SRBD1: variants seen among roughly 807,000 people sequenced by gnomAD.
SRBD1 encodes the protein S1 RNA-binding domain-containing protein 1.
A neutral mutation model predicts 115.3 loss-of-function variants in SRBD1; 88 were observed. That is an observed-to-expected ratio of 0.76 (90% CI 0.64 to 0.91). The LOEUF is 0.91. Among genes scored for constraint, SRBD1 ranks in the 40% least tolerant of loss-of-function variants. SRBD1 has a pLI of 0.00. For missense variants in SRBD1, 1,385 were observed against 1,177.4 expected (o/e 1.18, Z -2.58); for synonymous variants, 509 against 407.7 (o/e 1.25, Z -2.99).
At chr2:45,449,203 G>C (rs920452172) in intron 16 of SRBD1, among the ~76,000 whole-genome samples, 3 of 152,020 alleles carry the variant, frequency 2.0e-5, no homozygotes, top group African/African-American at 7.2e-5. Flanking sequence ...ACTTGCTTAA[G>C]ACATAATGCT....
At chr2:45,473,396 G>A (rs1376501414) in intron 16 of SRBD1, among the ~76,000 whole-genome samples, 2 of 151,970 alleles carry the variant, frequency 1.3e-5, no homozygotes, top group African/African-American at 2.4e-5. Context: ...AAAACTATCA[G>A]GCTCAACTAT....
intron 16 of SRBD1, among the ~76,000 whole-genome samples, chr2:45,456,533 A>G (rs1669158969): frequency 6.6e-6 from 1 of 151,938 alleles, no homozygotes; most frequent in Admixed American, 6.6e-5. Flanking sequence ...AATGTTAAAA[A>G]ATATATTGTT....
At chr2:45,504,311 C>A (rs1361325159) in intron 14 of SRBD1, among the ~76,000 whole-genome samples, 1 of 152,150 alleles carries the variant, frequency 6.6e-6, no homozygotes, top group African/African-American at 2.4e-5. Context: ...ATCTGACCCA[C>A]AAACTTTCAA....
chr2:45,492,520 G>A (rs1670329686), intron 14 of SRBD1, among the ~76,000 whole-genome samples: 1 of 151,998 alleles, frequency 6.6e-6, no homozygotes, highest in African/African-American at 2.4e-5. Flanking sequence ...CTCACTGCAA[G>A]CTCCACCTCC....
intron 19 of SRBD1, among the ~76,000 whole-genome samples, chr2:45,409,148 G>A (rs1667522057): frequency 6.6e-6 from 1 of 152,104 alleles, no homozygotes; most frequent in African/African-American, 2.4e-5. Flanking sequence ...CTTGAGCTCA[G>A]GAGGTTGAGG....
At chr2:45,530,276 G>C (rs1296516939) in intron 14 of SRBD1, among the ~76,000 whole-genome samples, 1 of 151,984 alleles carries the variant, frequency 6.6e-6, no homozygotes, top group Non-Finnish European at 1.5e-5. Flanking sequence ...TACGATCCTT[G>C]ACTAGGTGGA....
chr2:45,440,748 AAC>A (rs911364458), intron 16 of SRBD1, among the ~76,000 whole-genome samples: 3 of 152,204 alleles, frequency 2.0e-5, no homozygotes, highest in Non-Finnish European at 4.4e-5. Flanking sequence ...AATAAATTAA[AAC>A]AGTGTGTAGA....
intron 16 of SRBD1, among the ~76,000 whole-genome samples, chr2:45,464,697 C>G (rs535905534): frequency 9.9e-5 from 15 of 152,148 alleles, no homozygotes; most frequent in Non-Finnish European, 1.8e-4. Flanking sequence ...GCTTGAAATT[C>G]ACACAGGTAT....
intron 15 of SRBD1, among the ~76,000 whole-genome samples, chr2:45,483,025 G>A (rs1332655663): frequency 1.3e-5 from 2 of 151,994 alleles, no homozygotes; most frequent in African/African-American, 4.8e-5. Context: ...CACGTGCACA[G>A]GGTCAACTGT....
intron 19 of SRBD1, among the ~76,000 whole-genome samples, chr2:45,393,513 T>A (rs911918208): frequency 6.6e-6 from 1 of 152,122 alleles, no homozygotes; most frequent in Admixed American, 6.6e-5. Flanking sequence ...CCCGAGTAGC[T>A]GGGACTACAG....
At chr2:45,453,308 G>C (rs1019703651) in intron 16 of SRBD1, among the ~76,000 whole-genome samples, 3 of 149,768 alleles carry the variant, frequency 2.0e-5, no homozygotes, top group Non-Finnish European at 4.5e-5. Flanking sequence ...AAAAAGGAAA[G>C]AAAGACTCCA....
rs189405782 is a variant in SRBD1, at chr2:45,477,864, T to A, written c.1967-789A>T. 2.1e-3 allele frequency among the ~76,000 whole-genome samples: 314 copies of A among 152,256 alleles called. 2 individuals are homozygous for A. The highest frequency in any genetic ancestry group is 2.4e-3 in the Non-Finnish European group (162 of 68,018). On this transcript the variant is annotated intron_variant, in intron 15 of 20. Transcript: ENST00000263736. ...TTAACACACCATAGTTCTAATTACA[T>A]CCCTTTCTTGACCATTACAATCCAT...
At chr2:45,586,279 G>T (rs988106430) in intron 4 of SRBD1, among the ~76,000 whole-genome samples, 1 of 151,280 alleles carries the variant, frequency 6.6e-6, no homozygotes, top group Non-Finnish European at 1.5e-5. Context: ...ATTTTTTTTT[G>T]AAGAACTGTC....
Position 45,573,289 on chromosome 2 carries a change from T to G in SRBD1, c.1223A>C (p.Lys408Thr), listed in dbSNP as rs770100695. 2 of 1,612,588 alleles carry G rather than the reference T, an allele frequency of 1.2e-6. No homozygotes were observed. Among genetic ancestry groups the G allele is most frequent in the Non-Finnish European group, 1.7e-6 (2 of 1,179,394 alleles). Residue 408 changes from lysine (K) to threonine (T), a missense_variant, in exon 9 of 21, where the codon AAA (lysine) becomes ACA (threonine). Physicochemically the swap from Lys to Thr is moderately conservative, Grantham distance 78. Transcript: ENST00000263736. The stretch of plus-strand genomic sequence containing the variant: ...ATCAACATCTTTCTCATTTACCTTT[T>G]TTGAGGATACTTTTGCCAGAGATGA... ...IQSSLAKVSS[K>T]KVNEKDVDKF... is the part of the protein sequence containing the mutation.
chr2:45,463,017 CGGGGG>C lies in SRBD1; in HGVS notation c.2049+13971_2049+13975del, dbSNP rs11470984. ...TGATATTTAATTGTTGAGAATAACC[CGGGGG>C]GGGGGGGGGAAATCTCTCTTGTCAA... On this transcript the variant is annotated intron_variant, in intron 16 of 20. Coordinates refer to ENST00000263736, the MANE Select transcript of SRBD1 (RefSeq NM_018079.5). Among the ~76,000 whole-genome samples the C allele has an allele frequency of 1.2e-3, 134 of 116,310 alleles. 3 individuals are homozygous for C. The highest frequency in any genetic ancestry group is 4.6e-3 in the Middle Eastern group (1 of 216). 76.3% of individuals were successfully genotyped at this position (116,310 alleles called of 152,430 possible). A position where few individuals can be genotyped will look rare whatever the true frequency, so the allele number is the denominator to read the frequency against.
chr2:45,602,249 C>A (rs1024578193), intron 2 of SRBD1, among the ~76,000 whole-genome samples, 166 bp from the exon 3 acceptor site: 3 of 152,162 alleles, frequency 2.0e-5, no homozygotes, highest in Admixed American at 1.3e-4. Context: ...ATTGAACCAA[C>A]AGAGTTGATG....
chr2:45,550,746 A>G (rs1316402725), intron 12 of SRBD1, among the ~76,000 whole-genome samples: 1 of 152,116 alleles, frequency 6.6e-6, no homozygotes, highest in African/African-American at 2.4e-5. Context: ...AGTAAACAGG[A>G]AAAAAAATTG....
intron 9 of SRBD1, among the ~76,000 whole-genome samples, chr2:45,572,142 T>G (rs1261505301): frequency 6.6e-6 from 1 of 152,084 alleles, no homozygotes; most frequent in East Asian, 1.9e-4. Flanking sequence ...GAGAAGAGAC[T>G]TGTCATGAAT....
intron 16 of SRBD1, among the ~76,000 whole-genome samples, chr2:45,474,589 T>C (rs1034256774): frequency 3.3e-5 from 5 of 152,190 alleles, no homozygotes; most frequent in African/African-American, 1.2e-4. Context: ...GCTATATGTA[T>C]CTTCTTATCT....
Sources: gnomAD v4.1 joint callset for allele counts (sites outside exome capture counted in the v4.1 genomes callset) on GRCh38, gnomAD v4.1.1 for gene constraint, MANE v1.5 for transcripts, NCBI Gene and HGNC (gene_info 2026-07-23, HGNC 2026-07-21) for gene names.